The following PAN3 variants were observed in gnomAD, a reference collection of about 807,000 sequenced individuals.
PAN3 encodes PAN2-PAN3 deadenylation complex subunit PAN3.
PAN3 carries 19 observed loss-of-function variants against 96.2 expected under a neutral mutation model. The ratio of observed to expected loss-of-function variants is 0.20; its 90% confidence interval spans 0.14 to 0.29. The LOEUF (loss-of-function observed/expected upper bound fraction) is 0.29. Among genes scored for constraint, PAN3 ranks in the 10% least tolerant of loss-of-function variants. The probability of loss-of-function intolerance (pLI) is 1.00; values close to 1 mark genes in which losing one functional copy is unlikely to be tolerated. For missense variants in PAN3, 882 were observed against 1,108.1 expected (o/e 0.80, Z 2.90); for synonymous variants, 433 against 406.6 (o/e 1.06, Z -0.78).
At chr13:28,180,623 T>C (rs1394152503) in intron 4 of PAN3, among the ~76,000 whole-genome samples, 1 of 152,220 alleles carries the variant, frequency 6.6e-6, no homozygotes, top group African/African-American at 2.4e-5. Context: ...TACTTAGTGG[T>C]ATTTTGTTTT....
intron 7 of PAN3, among the ~76,000 whole-genome samples, chr13:28,259,876 G>A (rs1482014220): frequency 1.3e-5 from 2 of 151,952 alleles, no homozygotes; most frequent in African/African-American, 2.4e-5. Flanking sequence ...AACCTCAGGT[G>A]ATCTGCCCAC....
intron 17 of PAN3, 40 bp downstream of exon 17, chr13:28,281,419 G>C (rs1244668322): frequency 6.6e-7 from 1 of 1,526,410 alleles, no homozygotes; most frequent in African/African-American, 1.4e-5. Flanking sequence ...TTTTAATCGA[G>C]AGCACTATTT....
At chr13:28,185,381 G>C (rs1876324462) in intron 4 of PAN3, among the ~76,000 whole-genome samples, 1 of 152,112 alleles carries the variant, frequency 6.6e-6, no homozygotes, top group African/African-American at 2.4e-5. Flanking sequence ...TTCCAGGATT[G>C]GGTTGAGATA....
At chr13:28,245,323 A>T (rs955260257) in intron 6 of PAN3, among the ~76,000 whole-genome samples, 1 of 151,132 alleles carries the variant, frequency 6.6e-6, no homozygotes, top group African/African-American at 2.4e-5. Flanking sequence ...CAGGTCTTAT[A>T]CAGTTCTAGT....
chr13:28,169,222 C>CTTTTTTTTTTTTTTTTTTTTT (rs202200725), intron 1 of PAN3, among the ~76,000 whole-genome samples: 5 of 74,990 alleles, frequency 6.7e-5, no homozygotes, highest in African/African-American at 2.2e-4. Flanking sequence ...TTTTTGTTTG[C>CTTTTTTTTTTTTTTTTTTTTT]TTTTTTTTTT....
chr13:28,178,285 A>G (rs1165041886), intron 4 of PAN3, among the ~76,000 whole-genome samples: 1 of 152,028 alleles, frequency 6.6e-6, no homozygotes, highest in African/African-American at 2.4e-5. Context: ...TTATTTTTTG[A>G]TGGCTTTATC....
chr13:28,258,124 A>G (rs773493341), intron 7 of PAN3, among the ~76,000 whole-genome samples: 1 of 152,084 alleles, frequency 6.6e-6, no homozygotes, highest in Middle Eastern at 3.2e-3. Flanking sequence ...AGCCTAAACT[A>G]TGCTATCTTA....
At chr13:28,141,667 A>G (rs575853606) in intron 1 of PAN3, among the ~76,000 whole-genome samples, 2 of 151,874 alleles carry the variant, frequency 1.3e-5, no homozygotes, top group African/African-American at 4.8e-5. Context: ...GGGTTTCTCC[A>G]TGTTGGTCAG....
At chr13:28,285,434 T>TTTG (rs1868857920) in intron 17 of PAN3, among the ~76,000 whole-genome samples, 1 of 151,912 alleles carries the variant, frequency 6.6e-6, no homozygotes, top group African/African-American at 2.4e-5. Context: ...AGCTTTTGGG[T>TTTG]TTTGTTTGTT....
Position 28,197,266 on chromosome 13 carries a change from G to T in PAN3, c.772G>T (p.Gly258Cys). The change falls in exon 5 of 19, where the codon GGC becomes TGC. Residue 258 changes from glycine to cysteine, a missense_variant. This residue lies in a region of PAN3 where 442 missense variants were observed against 422.8 expected (regional missense o/e 1.05). Transcript: ENST00000380958. ...SKARKAKNPI[G>C]CLADRCKSGV... is the part of the protein sequence containing the mutation. The stretch of plus-strand genomic sequence containing the variant: ...GGCACGAAAAGCAAAGAACCCTATT[G>T]GCTGCCTTGCTGACAGGTGTAAATC... 6.2e-7 allele frequency: 1 copy of T among 1,613,026 alleles called. No homozygotes were observed.
intron 6 of PAN3, among the ~76,000 whole-genome samples, chr13:28,252,906 G>C (rs879708391): frequency 4.6e-5 from 7 of 152,064 alleles, no homozygotes; most frequent in Admixed American, 4.6e-4. Flanking sequence ...TCTGTTGATT[G>C]AGTGTCAGTT....
chr13:28,267,488 T>A (rs1593601843), intron 12 of PAN3, 87 bp downstream of exon 12: 1 of 1,096,640 alleles, frequency 9.1e-7, no homozygotes, highest in East Asian at 2.6e-5. Context: ...TACGTATAAT[T>A]TTTCCCTGTA....
intron 5 of PAN3, among the ~76,000 whole-genome samples, chr13:28,202,099 T>G (rs1878781570): frequency 6.6e-6 from 1 of 152,138 alleles, no homozygotes; most frequent in Admixed American, 6.5e-5. Context: ...ACACTTATTA[T>G]AAGAAGGAAA....
In PAN3 at chr13:28,177,955, G is replaced by C. The variant is rs757562596; in HGVS notation, c.690+20G>C. 1.3e-6 allele frequency: 2 copies of C among 1,576,978 alleles called. No individual in the cohort carries two copies. The highest frequency in any genetic ancestry group is 1.7e-6 in the Non-Finnish European group (2 of 1,146,976). ...CGAAAGGTAGGTGAAATTGAAACTTGAATTAAACTAAATGGAATTTAGAAG... is the reference window on the plus strand; with the variant it reads ...CGAAAGGTAGGTGAAATTGAAACTTCAATTAAACTAAATGGAATTTAGAAG... On this transcript the variant is annotated intron_variant, in intron 4 of 18. Transcript: ENST00000380958.
chr13:28,174,235 A>G (rs756871588), intron 1 of PAN3, 37 bp from the exon 2 acceptor site: 1 of 1,587,524 alleles, frequency 6.3e-7, no homozygotes, highest in South Asian at 1.1e-5. Flanking sequence ...CATCCTCTGA[A>G]ATAATTTTAA....
intron 5 of PAN3, among the ~76,000 whole-genome samples, chr13:28,211,527 A>G (rs980540721): frequency 7.9e-5 from 12 of 152,224 alleles, no homozygotes; most frequent in African/African-American, 2.9e-4. Context: ...AACCGACTTT[A>G]TAAGAAAGTA....
At chr13:28,139,330 T>G in intron 1 of PAN3, among the ~76,000 whole-genome samples, 1 of 11,194 alleles carries the variant, frequency 8.9e-5, no homozygotes, top group African/African-American at 4.2e-4. Flanking sequence ...GTGGGAGGAC[T>G]GGGGTGATGT....
intron 4 of PAN3, among the ~76,000 whole-genome samples, chr13:28,192,382 A>G (rs1363799783): frequency 6.6e-6 from 1 of 152,198 alleles, no homozygotes; most frequent in Non-Finnish European, 1.5e-5. Context: ...CTTTTTAAAA[A>G]TTGCATTCAA....
intron 1 of PAN3, among the ~76,000 whole-genome samples, chr13:28,143,114 G>GTTTTTT (rs202192053): frequency 6.6e-6 from 1 of 151,036 alleles, no homozygotes; most frequent in African/African-American, 2.5e-5. Context: ...TTTTGTTTTT[G>GTTTTTT]TTTTTGTTTT....
Sources: gnomAD v4.1 joint callset for allele counts (sites outside exome capture counted in the v4.1 genomes callset) on GRCh38, gnomAD v4.1.1 for gene constraint, gnomAD v4.1.1 regional missense constraint, MANE v1.5 for transcripts, NCBI Gene and HGNC (gene_info 2026-07-23, HGNC 2026-07-21) for gene names.